FAM222B: variants seen among roughly 807,000 people sequenced by gnomAD.
The protein encoded by FAM222B is protein FAM222B.
FAM222B carries 12 observed loss-of-function variants against 38.0 expected under a neutral mutation model. The ratio of observed to expected loss-of-function variants is 0.32; its 90% CI spans 0.20 to 0.51. The LOEUF (loss-of-function observed/expected upper bound fraction) is 0.51, where lower values mean the gene tolerates loss of function less well. FAM222B is among the 20% of genes least tolerant of loss of function. The pLI is 0.97. For synonymous variants in FAM222B, 329 were observed against 317.2 expected (o/e 1.04, Z -0.40); for missense variants, 716 against 754.2 (o/e 0.95, Z 0.59).
chr17:28,854,970 C>A, exon 1 of FAM222B: 1 of 1,500,882 alleles, frequency 6.7e-7, no homozygotes, highest in Admixed American at 2.3e-5. Context: ...CTCGCTGGTT[C>A]GTCAGCCGCT....
intron 1 of FAM222B, among the ~76,000 whole-genome samples, chr17:28,774,954 T>A (rs1442817197): frequency 6.7e-6 from 1 of 148,852 alleles, no homozygotes; most frequent in Non-Finnish European, 1.5e-5. Flanking sequence ...AATAAATAAA[T>A]TAAATAAATA....
chr17:28,832,175 G>C (rs958160790), intron 1 of FAM222B, among the ~76,000 whole-genome samples: 3 of 151,804 alleles, frequency 2.0e-5, no homozygotes, highest in African/African-American at 2.4e-5. Flanking sequence ...GGGCAACACA[G>C]CAAGACTCCA....
chr17:28,782,559 G>C (rs1404120191), intron 1 of FAM222B, among the ~76,000 whole-genome samples: 1 of 152,040 alleles, frequency 6.6e-6, no homozygotes, highest in Non-Finnish European at 1.5e-5. Context: ...TATTGTTAAA[G>C]GATATCTAAA....
intron 1 of FAM222B, among the ~76,000 whole-genome samples, chr17:28,836,317 T>C (rs2038844577): frequency 6.6e-6 from 1 of 151,808 alleles, no homozygotes; most frequent in Admixed American, 6.6e-5. Flanking sequence ...ACCTATATTT[T>C]CCCATGAAAT....
chr17:28,791,162 G>A (rs1164930775), intron 1 of FAM222B, among the ~76,000 whole-genome samples: 1 of 151,390 alleles, frequency 6.6e-6, no homozygotes, highest in Non-Finnish European at 1.5e-5. Flanking sequence ...TGCCCACCTC[G>A]GCCTCCCAAA....
chr17:28,790,659 A>G (rs1354722394), intron 1 of FAM222B, among the ~76,000 whole-genome samples: 1 of 152,084 alleles, frequency 6.6e-6, no homozygotes, highest in Non-Finnish European at 1.5e-5. Flanking sequence ...AACAAGCAAC[A>G]TTTGAAGAGG....
intron 1 of FAM222B, among the ~76,000 whole-genome samples, chr17:28,769,197 T>TTTTTTATG: frequency 6.8e-6 from 1 of 147,746 alleles, no homozygotes; most frequent in Non-Finnish European, 1.5e-5. Context: ...TTTTTTTTTT[T>TTTTTTATG]GAGATGGAGT....
chr17:28,768,857 AAAAG>A (rs1244993268), intron 1 of FAM222B, among the ~76,000 whole-genome samples: 1 of 151,344 alleles, frequency 6.6e-6, no homozygotes, highest in Non-Finnish European at 1.5e-5. Flanking sequence ...AAAAAAAAAA[AAAAG>A]AGAGACTTCT....
chr17:28,836,779 C>T (rs930917661), intron 1 of FAM222B, among the ~76,000 whole-genome samples: 147 of 152,262 alleles, frequency 9.7e-4, no homozygotes, highest in Middle Eastern at 3.4e-3. Context: ...TGGCGCCGGG[C>T]TGTCTACTGG....
chr17:28,773,957 G>C (rs1198191073), intron 1 of FAM222B, among the ~76,000 whole-genome samples: 1 of 152,120 alleles, frequency 6.6e-6, no homozygotes, highest in Non-Finnish European at 1.5e-5. Context: ...ACTGTGGCAA[G>C]GTCATGAGGG....
chr17:28,787,306 C>G (rs1238139024), intron 1 of FAM222B, among the ~76,000 whole-genome samples: 1 of 152,154 alleles, frequency 6.6e-6, no homozygotes, highest in Non-Finnish European at 1.5e-5. Flanking sequence ...TACAGAAAGA[C>G]AAGTTTGATA....
intron 1 of FAM222B, among the ~76,000 whole-genome samples, chr17:28,797,287 C>T (rs1025070219): frequency 2.0e-5 from 3 of 152,016 alleles, no homozygotes; most frequent in Non-Finnish European, 2.9e-5. Context: ...TGAGCCACAG[C>T]GGCTGGCTGG....
chr17:28,793,391 CAA>C (rs1291922930), intron 1 of FAM222B, among the ~76,000 whole-genome samples: 1 of 152,126 alleles, frequency 6.6e-6, no homozygotes, highest in Non-Finnish European at 1.5e-5. Flanking sequence ...TCACATCATC[CAA>C]AAAGTTTCAA....
At chr17:28,826,533 C>T (rs1171196232) in intron 1 of FAM222B, among the ~76,000 whole-genome samples, 1 of 151,706 alleles carries the variant, frequency 6.6e-6, no homozygotes, top group Admixed American at 6.6e-5. Context: ...ACAAAAAAAA[C>T]AGCCAGGCGT....
intron 1 of FAM222B, among the ~76,000 whole-genome samples, chr17:28,809,855 A>C (rs1178878093): frequency 6.6e-6 from 1 of 152,190 alleles, no homozygotes; most frequent in Non-Finnish European, 1.5e-5. Context: ...AAGTGAGTGA[A>C]GTATAACTTT....
chr17:28,790,789 T>G (rs962798674), intron 1 of FAM222B, among the ~76,000 whole-genome samples: 3 of 150,048 alleles, frequency 2.0e-5, no homozygotes, highest in Admixed American at 6.8e-5. Flanking sequence ...TCAAGGATGA[T>G]GGAACATCAG....
At chr17:28,767,390 TCA>T (rs1386390967) in intron 1 of FAM222B, among the ~76,000 whole-genome samples, 1 of 152,108 alleles carries the variant, frequency 6.6e-6, no homozygotes, top group Non-Finnish European at 1.5e-5. Flanking sequence ...ACTCCTGACC[TCA>T]GTTGATCCGC....
intron 1 of FAM222B, among the ~76,000 whole-genome samples, chr17:28,770,660 T>A (rs954542635): frequency 6.6e-6 from 1 of 151,606 alleles, no homozygotes; most frequent in Admixed American, 6.6e-5. Flanking sequence ...ATGCTCCGCC[T>A]CCTGGGTTCC....
In FAM222B at chr17:28,756,133, A is replaced by T. The variant is rs1419804210; in HGVS notation, c.*2137T>A. Reference sequence around the variant, plus strand: ...TATTCCCTAGGGTAGTGTAGGATGGAGACAGGGAGTGTGGAGAGGAGGCCC... The same window carrying T: ...TATTCCCTAGGGTAGTGTAGGATGGTGACAGGGAGTGTGGAGAGGAGGCCC... On this transcript the variant is annotated 3_prime_UTR_variant, in exon 3 of 3. Transcript: ENST00000581407. 6.6e-6 allele frequency: 1 copy of T among 152,650 alleles called. No individual in the cohort carries two copies. The highest frequency in any genetic ancestry group is 1.5e-5 in the Non-Finnish European group (1 of 68,108). The allele number at this position is 152,650 out of a possible 1,614,324, so 9.5% of individuals were successfully genotyped here.
Sources: allele counts gnomAD v4.1 joint callset (sites outside exome capture counted in the v4.1 genomes callset), GRCh38; gene constraint gnomAD v4.1.1; transcripts MANE v1.5; gene names NCBI Gene and HGNC (gene_info 2026-07-23, HGNC 2026-07-21).